The following LRRC37A2 variants were observed in gnomAD, a reference collection of about 807,000 sequenced individuals.
The protein encoded by LRRC37A2 is leucine rich repeat containing 37 member A2.
A neutral mutation model predicts 68.8 loss-of-function variants in LRRC37A2; 9 were observed. The observed-to-expected ratio is 0.13, with a 90% CI of 0.08 to 0.23. The LOEUF is 0.23. Among genes scored for constraint, LRRC37A2 ranks in the 10% least tolerant of loss-of-function variants. The pLI is 1.00. For missense variants in LRRC37A2, 168 were observed against 950.4 expected (o/e 0.18, Z 10.82); for synonymous variants, 63 against 367.6 (o/e 0.17, Z 9.48).
the LRRC37A2 span, chr17:47,028,295 T>C: frequency 3.2e-5 from 48 of 1,503,290 alleles, no homozygotes; most frequent in Admixed American, 3.1e-4. Flanking sequence ...TTAGTTGCAA[T>C]GTAATTACAG....
chr17:46,847,995 T>TGTGC, the LRRC37A2 span, among the ~76,000 whole-genome samples: 73 of 149,536 alleles, frequency 4.9e-4, no homozygotes, highest in Admixed American at 2.1e-3. Context: ...TGTGTGTGTG[T>TGTGC]GCACGTGCAT....
the LRRC37A2 span, among the ~76,000 whole-genome samples, chr17:46,737,591 GTGT>G: frequency 6.6e-6 from 1 of 151,864 alleles, no homozygotes; most frequent in Non-Finnish European, 1.5e-5. Context: ...GTGTGTGTGT[GTGT>G]GTGTGTGTGT....
the LRRC37A2 span, among the ~76,000 whole-genome samples, chr17:46,836,064 CT>C: frequency 2.8e-5 from 4 of 143,506 alleles, no homozygotes; most frequent in Non-Finnish European, 6.0e-5. Flanking sequence ...CCTGCTGGGG[CT>C]CCCAGGAACA....
the LRRC37A2 span, chr17:46,763,053 C>T: frequency 6.6e-6 from 1 of 152,104 alleles, no homozygotes; most frequent in Non-Finnish European, 1.5e-5. Flanking sequence ...GGCTTGTGGC[C>T]AGCAGATTTA....
the LRRC37A2 span, among the ~76,000 whole-genome samples, chr17:46,742,185 C>T: frequency 5.7e-4 from 87 of 152,276 alleles, 1 homozygote; most frequent in East Asian, 0.015. Flanking sequence ...GACTTTGGCA[C>T]GAAGCATACA....
At chr17:46,978,389 C>CAAAAA in the LRRC37A2 span, 1 of 373,044 alleles carries the variant, frequency 2.7e-6, no homozygotes, top group Non-Finnish European at 4.5e-6. Context: ...AAAAAACAAA[C>CAAAAA]AAACAAAAAA....
At chr17:46,977,237 A>G in the LRRC37A2 span, among the ~76,000 whole-genome samples, 3 of 152,322 alleles carry the variant, frequency 2.0e-5, no homozygotes, top group South Asian at 6.2e-4. Flanking sequence ...AAAAGCAGCT[A>G]AGACTTCAGT....
chr17:46,763,240 G>A, the LRRC37A2 span: 1 of 152,210 alleles, frequency 6.6e-6, no homozygotes, highest in African/African-American at 2.4e-5. Context: ...TTCTCCCTAA[G>A]ACAGTTGTTG....
At chr17:46,923,033 T>C in the LRRC37A2 span, 2 of 660,048 alleles carry the variant, frequency 3.0e-6, no homozygotes, top group Non-Finnish European at 5.5e-6. Flanking sequence ...CTTCCCCTTC[T>C]CCGATCTCGC....
chr17:46,735,965 G>A, the LRRC37A2 span, among the ~76,000 whole-genome samples: 1 of 152,036 alleles, frequency 6.6e-6, no homozygotes, highest in African/African-American at 2.4e-5. Context: ...ATTGCCTTTG[G>A]ATAGTCCACA....
At chr17:47,018,962 T>A in the LRRC37A2 span, 8 of 1,519,520 alleles carry the variant, frequency 5.3e-6, no homozygotes, top group Non-Finnish European at 7.3e-6. Context: ...GGGTAACAAA[T>A]CCAACACCAG....
At chr17:46,940,987 A>G in the LRRC37A2 span, 2 of 1,176,416 alleles carry the variant, frequency 1.7e-6, no homozygotes, top group East Asian at 5.4e-5. Context: ...GGTCCAGGCC[A>G]GGGAAGGAGC....
the LRRC37A2 span, among the ~76,000 whole-genome samples, chr17:46,824,645 A>C: frequency 6.6e-6 from 1 of 152,222 alleles, no homozygotes; most frequent in Non-Finnish European, 1.5e-5. Flanking sequence ...TCCCTCCACA[A>C]GACTGCTGAA....
the LRRC37A2 span, among the ~76,000 whole-genome samples, chr17:46,888,631 C>T: frequency 6.6e-6 from 1 of 152,142 alleles, no homozygotes; most frequent in African/African-American, 2.4e-5. Flanking sequence ...CTTCTAGAAT[C>T]AGCTGTCTGT....
At chr17:46,821,514 G>A in the LRRC37A2 span, among the ~76,000 whole-genome samples, 5 of 152,224 alleles carry the variant, frequency 3.3e-5, no homozygotes, top group Non-Finnish European at 5.9e-5. Flanking sequence ...AAGCCCCAGG[G>A]TGGTTTCACT....
chr17:46,945,784 A>G, the LRRC37A2 span, among the ~76,000 whole-genome samples: 4 of 152,128 alleles, frequency 2.6e-5, no homozygotes, highest in African/African-American at 7.2e-5. Context: ...GGGGACCTCT[A>G]TAGGAGGGGA....
the LRRC37A2 span, among the ~76,000 whole-genome samples, chr17:46,839,124 C>T: frequency 6.6e-6 from 1 of 152,162 alleles, no homozygotes; most frequent in African/African-American, 2.4e-5. Flanking sequence ...GAGTTCCGCC[C>T]GCCTCGGCCT....
At chr17:47,007,220 G>C in the LRRC37A2 span, among the ~76,000 whole-genome samples, 1 of 151,812 alleles carries the variant, frequency 6.6e-6, no homozygotes, top group East Asian at 1.9e-4. Flanking sequence ...CTCTGTTGCC[G>C]AGGCTGGAGT....
the LRRC37A2 span, among the ~76,000 whole-genome samples, chr17:46,849,858 T>G: frequency 4.6e-5 from 7 of 151,718 alleles, no homozygotes; most frequent in African/African-American, 7.3e-5. Flanking sequence ...TCTTTTTTTT[T>G]TTGTTTTGAG....
Sources: allele counts gnomAD v4.1 joint callset (sites outside exome capture counted in the v4.1 genomes callset), GRCh38; gene constraint gnomAD v4.1.1; transcripts MANE v1.5; gene names NCBI Gene and HGNC (gene_info 2026-07-23, HGNC 2026-07-21).